RAPGEF6: variants seen among roughly 807,000 people sequenced by gnomAD.
RAPGEF6 encodes PDZ domain containing guanine nucleotide exchange factor (GEF) 2.
RAPGEF6 carries 56 observed loss-of-function variants against 171.4 expected under a neutral mutation model. That is an observed-to-expected ratio of 0.33 (90% CI 0.26 to 0.41). The LOEUF (loss-of-function observed/expected upper bound fraction) is 0.41, where lower values mean the gene tolerates loss of function less well. RAPGEF6 is among the 10% of genes least tolerant of loss of function. The pLI, the probability that RAPGEF6 is intolerant of heterozygous loss-of-function variation, is 1.00. For missense variants in RAPGEF6, 1,674 were observed against 1,921.4 expected, an observed-to-expected ratio of 0.87 and a Z score of 2.41; for synonymous variants, 692 against 650.1, an observed-to-expected ratio of 1.06 and a Z score of -0.98.
intron 10 of RAPGEF6, among the ~76,000 whole-genome samples, chr5:131,505,100 TTAAA>T (rs1293123666): frequency 9.9e-5 from 15 of 152,098 alleles, no homozygotes; most frequent in Admixed American, 3.3e-4. Context: ...TTTTTTTTTT[TTAAA>T]TAAAGGACTC....
chr5:131,518,645 C>G (rs1471785837), intron 7 of RAPGEF6, among the ~76,000 whole-genome samples: 2 of 152,108 alleles, frequency 1.3e-5, no homozygotes, highest in Non-Finnish European at 2.9e-5. Context: ...ATCCGCCCAC[C>G]TCTGCCTCCC....
At chr5:131,595,069 G>T (rs1763813427) in intron 3 of RAPGEF6, among the ~76,000 whole-genome samples, 1 of 152,148 alleles carries the variant, frequency 6.6e-6, no homozygotes, top group Non-Finnish European at 1.5e-5. Flanking sequence ...AAGGACATGA[G>T]ATTTGGGAGG....
At chr5:131,607,613 C>G (rs1764687539) in intron 1 of RAPGEF6, among the ~76,000 whole-genome samples, 1 of 152,186 alleles carries the variant, frequency 6.6e-6, no homozygotes, top group South Asian at 2.1e-4. Flanking sequence ...ATCTAAACCT[C>G]CTGATCTATT....
At chr5:131,446,899 C>T (rs977021651) in intron 21 of RAPGEF6, 196 bp from the exon 22 acceptor site, 8 of 563,788 alleles carry the variant, frequency 1.4e-5, no homozygotes, top group African/African-American at 1.3e-4. Flanking sequence ...TGGCAAAGTA[C>T]AGAATTCAAA....
intron 3 of RAPGEF6, among the ~76,000 whole-genome samples, chr5:131,596,620 C>A (rs940348108): frequency 5.3e-5 from 8 of 151,948 alleles, no homozygotes; most frequent in Non-Finnish European, 1.0e-4. Flanking sequence ...GAATGGATAT[C>A]CCAGAATTAA....
chr5:131,493,906 A>G (rs1355047776), intron 13 of RAPGEF6, among the ~76,000 whole-genome samples: 2 of 152,200 alleles, frequency 1.3e-5, no homozygotes, highest in African/African-American at 2.4e-5. Context: ...TCAAGTTCCC[A>G]GTGTTGTTCA....
intron 15 of RAPGEF6, among the ~76,000 whole-genome samples, chr5:131,488,768 T>C (rs2149870066): frequency 6.6e-6 from 1 of 152,318 alleles, no homozygotes; most frequent in African/African-American, 2.4e-5. Flanking sequence ...AATTGTAACC[T>C]AAAAAACCTA....
chr5:131,457,195 G>A (rs1359358949), intron 19 of RAPGEF6, among the ~76,000 whole-genome samples: 4 of 152,102 alleles, frequency 2.6e-5, no homozygotes, highest in Admixed American at 2.0e-4. Context: ...CTGAGTAGCT[G>A]GGATTACAGG....
Position 131,427,141 on chromosome 5 carries a change from G to T in RAPGEF6, c.*125C>A. ...GTCTATTTCATTGCTCGGAGTAGAG[G>T]GAATAAAACCTCTGGACTGGTTGTA... On this transcript the variant is annotated 3_prime_UTR_variant, in exon 28 of 28. Coordinates refer to ENST00000509018, the MANE Select transcript of RAPGEF6 (RefSeq NM_016340.6). 1.2e-6 allele frequency: 1 copy of T among 855,336 alleles called. No individual in the cohort carries two copies. Among genetic ancestry groups the T allele is most frequent in the Non-Finnish European group, 2.0e-6 (1 of 506,298 alleles). The allele number at this position is 855,336 out of a possible 1,614,324, so 53.0% of individuals were successfully genotyped here. A position where few individuals can be genotyped will look rare whatever the true frequency, so the allele number is the denominator to read the frequency against.
chr5:131,433,860 C>A (rs572481997), intron 24 of RAPGEF6, among the ~76,000 whole-genome samples: 56 of 152,298 alleles, frequency 3.7e-4, no homozygotes, highest in Non-Finnish European at 7.3e-4. Context: ...ACTATCCACA[C>A]CACACCAATA....
chr5:131,608,788 C>T lies in RAPGEF6; in HGVS notation c.70-4095G>A, dbSNP rs550333412. Among the ~76,000 whole-genome samples, 367 of 151,960 alleles carry T rather than the reference C, an allele frequency of 2.4e-3. 1 individual carries two copies. The highest frequency in any genetic ancestry group is 3.4e-3 in the Middle Eastern group (1 of 294). On this transcript the variant is annotated intron_variant, in intron 1 of 27. Transcript: ENST00000509018. The stretch of plus-strand genomic sequence containing the variant: ...AGTCTGGCTTCCTTGGTTTCTCTCT[C>T]TTGCTTCCTCCCTTACCACGTGATC...
chr5:131,473,367 C>T (rs567949688), intron 16 of RAPGEF6, among the ~76,000 whole-genome samples: 1 of 152,194 alleles, frequency 6.6e-6, no homozygotes, highest in African/African-American at 2.4e-5. Context: ...TTTAAGCAAA[C>T]AAAATATTCT....
intron 4 of RAPGEF6, among the ~76,000 whole-genome samples, chr5:131,590,054 T>G (rs956576331): frequency 1.3e-5 from 2 of 152,232 alleles, no homozygotes; most frequent in African/African-American, 4.8e-5. Context: ...GGTATTCTGC[T>G]TTATCCTTCT....
intron 11 of RAPGEF6, among the ~76,000 whole-genome samples, chr5:131,500,292 C>T (rs942316748): frequency 6.6e-6 from 1 of 152,168 alleles, no homozygotes; most frequent in Admixed American, 6.5e-5. Context: ...TAGGTCATTC[C>T]TATTCTCCTA....
Position 131,439,698 on chromosome 5 carries a change from T to C in RAPGEF6, c.3628A>G (p.Lys1210Glu). 17 of 1,611,530 alleles carry C rather than the reference T, an allele frequency of 1.1e-5. No homozygotes were observed. Among genetic ancestry groups the C allele is most frequent in the Non-Finnish European group, 1.4e-5 (17 of 1,179,468 alleles). The change falls in exon 24 of 28, where the codon AAA becomes GAA. Residue 1210 changes from lysine (K) to glutamate (E), a missense_variant. Physicochemically the swap from Lys to Glu is moderately conservative, Grantham distance 56. This residue lies in a region of RAPGEF6 where 552 missense variants were observed against 574.2 expected (regional missense o/e 0.96). Coordinates refer to ENST00000509018, the MANE Select transcript of RAPGEF6 (RefSeq NM_016340.6). ...ATTTCTTCAGTTGTTCCTAAAACTT[T>C]CTGAGGTAAACTTGTATCTAAAAAT... ...DPALNTSLPQ[K>E]VLGTTEEISG...
At chr5:131,445,309 T>G (rs913297465) in intron 22 of RAPGEF6, among the ~76,000 whole-genome samples, 1 of 152,204 alleles carries the variant, frequency 6.6e-6, no homozygotes, top group African/African-American at 2.4e-5. Context: ...AAAATCAGTA[T>G]TTGGTTCTAT....
chr5:131,462,156 T>C (rs1580861147), intron 18 of RAPGEF6, 68 bp from the exon 19 acceptor site: 4 of 1,200,456 alleles, frequency 3.3e-6, no homozygotes, highest in East Asian at 2.8e-5. Context: ...CTTTTCCTTT[T>C]TGTCGTTGTA....
rs372339216 is a variant in RAPGEF6, at chr5:131,528,338, T to TACACACACACACAC, written c.496-6831_496-6818dup. On this transcript the variant is annotated intron_variant, in intron 6 of 27. Transcript: ENST00000509018. Reference sequence around the variant, plus strand: ...TTATATATATATATATATATATATATACACACACACACACATATATATATA... The same window carrying TACACACACACACAC: ...TTATATATATATATATATATATATATACACACACACACACACACACACACACACATATATATATA... Among the ~76,000 whole-genome samples, 98 of 26,304 alleles carry TACACACACACACAC rather than the reference T, an allele frequency of 3.7e-3. 2 individuals are homozygous for TACACACACACACAC. Among genetic ancestry groups the TACACACACACACAC allele is most frequent in the African/African-American group, 5.5e-3 (92 of 16,820 alleles). 17.3% of individuals were successfully genotyped at this position (26,304 alleles called of 152,430 possible). A position where few individuals can be genotyped will look rare whatever the true frequency, so the allele number is the denominator to read the frequency against.
chr5:131,557,169 G>A (rs1470887909), intron 5 of RAPGEF6, among the ~76,000 whole-genome samples: 1 of 152,182 alleles, frequency 6.6e-6, no homozygotes, highest in East Asian at 1.9e-4. Flanking sequence ...AATATCCTGG[G>A]ATTATGATGG....
Sources: allele counts gnomAD v4.1 joint callset (sites outside exome capture counted in the v4.1 genomes callset), GRCh38; gene constraint gnomAD v4.1.1; regional missense constraint gnomAD v4.1.1; transcripts MANE v1.5; gene names NCBI Gene and HGNC (gene_info 2026-07-23, HGNC 2026-07-21).